The following ATF2 variants were observed in gnomAD, a reference collection of about 807,000 sequenced individuals.
ATF2 encodes the protein cyclic AMP-dependent transcription factor ATF-2.
ATF2 carries 24 observed loss-of-function variants against 60.6 expected under a neutral mutation model. That is an observed-to-expected ratio of 0.40 (90% CI 0.29 to 0.56). The LOEUF (loss-of-function observed/expected upper bound fraction) is 0.56, where lower values mean the gene tolerates loss of function less well. Ranked by LOEUF, ATF2 falls within the 20% of genes least tolerant of loss-of-function variation. The pLI, the probability that ATF2 is intolerant of heterozygous loss-of-function variation, is 0.54. For missense variants in ATF2, 433 were observed against 607.7 expected (o/e 0.71, Z 3.02); for synonymous variants, 206 against 215.4 (o/e 0.96, Z 0.38).
intron 11 of ATF2, among the ~76,000 whole-genome samples, chr2:175,096,965 A>G (rs1400591160): frequency 1.3e-5 from 2 of 152,208 alleles, no homozygotes; most frequent in Non-Finnish European, 2.9e-5. Context: ...ATCTAGTGTT[A>G]ATAGTTACAG....
intron 12 of ATF2, among the ~76,000 whole-genome samples, chr2:175,085,553 T>TACACACACACACAC (rs56804408): frequency 1.8e-4 from 26 of 141,420 alleles, no homozygotes; most frequent in African/African-American, 6.5e-4. Flanking sequence ...ATACATAACA[T>TACACACACACACAC]ACACACACAC....
intron 1 of ATF2, among the ~76,000 whole-genome samples, chr2:175,157,401 T>G (rs1359860491): frequency 6.6e-6 from 1 of 152,154 alleles, no homozygotes; most frequent in African/African-American, 2.4e-5. Flanking sequence ...TCAGGAGTCT[T>G]GAGATCCCCT....
intron 1 of ATF2, among the ~76,000 whole-genome samples, chr2:175,163,121 G>A (rs996150811): frequency 1.7e-4 from 26 of 151,278 alleles, no homozygotes; most frequent in South Asian, 4.2e-4. Context: ...GCAACAGAGC[G>A]AGACTCTGTC....
At chr2:175,141,604 T>A (rs1442725264) in intron 2 of ATF2, among the ~76,000 whole-genome samples, 1 of 152,076 alleles carries the variant, frequency 6.6e-6, no homozygotes, top group East Asian at 1.9e-4. Context: ...GCCATTCTCC[T>A]GCCTCAGCCT....
chr2:175,114,676 C>T lies in ATF2; in HGVS notation c.626+14G>A. 6.2e-7 allele frequency: 1 copy of T among 1,607,482 alleles called. No homozygotes were observed. Among genetic ancestry groups the T allele is most frequent in the Non-Finnish European group, 8.5e-7 (1 of 1,175,448 alleles). ...ATTCATGTATATGTTCAATGATTGG[C>T]CTGAATCACTTACACAATTGGCCTG... On this transcript the variant is annotated intron_variant, in intron 8 of 13. Transcript: ENST00000264110.
intron 12 of ATF2, among the ~76,000 whole-genome samples, chr2:175,083,764 C>T (rs529702147): frequency 4.9e-4 from 74 of 152,172 alleles, no homozygotes; most frequent in African/African-American, 1.7e-3. Context: ...GGGCTAATAT[C>T]GAGAATCTAC....
chr2:175,163,008 C>A (rs1700115612), intron 1 of ATF2, among the ~76,000 whole-genome samples: 1 of 152,028 alleles, frequency 6.6e-6, no homozygotes, highest in Non-Finnish European at 1.5e-5. Context: ...GTGGTGGGTG[C>A]CTGTAGTCCC....
chr2:175,094,879 G>A (rs1325855320), intron 11 of ATF2, among the ~76,000 whole-genome samples: 2 of 152,098 alleles, frequency 1.3e-5, no homozygotes, highest in Non-Finnish European at 2.9e-5. Context: ...GGAAGTCGAG[G>A]CTGCAGTGAG....
At chr2:175,156,031 T>C (rs1010570940) in intron 1 of ATF2, among the ~76,000 whole-genome samples, 2 of 152,222 alleles carry the variant, frequency 1.3e-5, no homozygotes, top group Admixed American at 1.3e-4. Context: ...AACCTGTTAA[T>C]AGGTTACCTT....
chr2:175,135,097 T>A (rs1178314774), intron 3 of ATF2, among the ~76,000 whole-genome samples: 1 of 145,842 alleles, frequency 6.9e-6, no homozygotes, highest in Non-Finnish European at 1.5e-5. Context: ...TAACCAGGCA[T>A]GGAGAAGGGG....
At position 175,118,476 on chromosome 2, in the gene ATF2, TTC is replaced by T. The variant is rs956014599; in HGVS notation, c.200-109_200-108del. On this transcript the variant is annotated intron_variant, in intron 5 of 13. Coordinates refer to ENST00000264110, the MANE Select transcript of ATF2 (RefSeq NM_001880.4). ...CAGGACTGGTTCAGTCAGTTGTTAA[TTC>T]TCTCTTTGGAAAGACCTCTTCCTTT... 1.2e-5 allele frequency: 11 copies of T among 943,518 alleles called. No homozygotes were observed. In the African/African-American group the frequency reaches 1.7e-4, roughly 15 times the overall value. 58.4% of individuals were successfully genotyped at this position (943,518 alleles called of 1,614,324 possible).
intron 1 of ATF2, among the ~76,000 whole-genome samples, chr2:175,151,914 G>A (rs1180437894): frequency 2.0e-5 from 3 of 152,102 alleles, no homozygotes; most frequent in Non-Finnish European, 2.9e-5. Flanking sequence ...AGCAAGATGA[G>A]AAAAAGGAGA....
intron 10 of ATF2, among the ~76,000 whole-genome samples, chr2:175,101,918 A>G (rs1695337779): frequency 2.6e-5 from 4 of 152,192 alleles, no homozygotes; most frequent in African/African-American, 9.7e-5. Flanking sequence ...TTCTAAAACT[A>G]CAACAAAAAT....
At chr2:175,116,756 C>T (rs915525059) in intron 7 of ATF2, among the ~76,000 whole-genome samples, 18 of 151,048 alleles carry the variant, frequency 1.2e-4, no homozygotes, top group African/African-American at 1.9e-4. Context: ...GAAGCAGCCA[C>T]GAACAATGAA....
intron 3 of ATF2, among the ~76,000 whole-genome samples, chr2:175,131,316 C>A (rs1053639090): frequency 6.6e-6 from 1 of 152,174 alleles, no homozygotes; most frequent in African/African-American, 2.4e-5. Flanking sequence ...TTCCTGTCCT[C>A]ATAAAGAGAA....
At chr2:175,109,478 T>C (rs1217166840) in intron 10 of ATF2, among the ~76,000 whole-genome samples, 1 of 152,226 alleles carries the variant, frequency 6.6e-6, no homozygotes, top group Non-Finnish European at 1.5e-5. Context: ...GAGAAACTTT[T>C]ATTCTTTTTA....
intron 1 of ATF2, among the ~76,000 whole-genome samples, chr2:175,160,346 C>T (rs1699941749): frequency 6.6e-6 from 1 of 152,142 alleles, no homozygotes; most frequent in African/African-American, 2.4e-5. Flanking sequence ...GACTGCACCA[C>T]CACACTCCAG....
rs1009806941 is a variant in ATF2 at position 175,072,866 on chromosome 2, G to C, written c.*1743C>G. The C allele has an allele frequency of 3.3e-5, 5 of 152,060 alleles. No individual in the cohort carries two copies. Among genetic ancestry groups the C allele is most frequent in the African/African-American group, 1.2e-4 (5 of 41,422 alleles). The allele number at this position is 152,060 out of a possible 1,614,324, so 9.4% of individuals were successfully genotyped here. A position where few individuals can be genotyped will look rare whatever the true frequency, so the allele number is the denominator to read the frequency against. ...AATTCCCATTATCTTCATACTTAAA[G>C]TCCTGAAATGTCATTTATATAATTT... On this transcript the variant is annotated 3_prime_UTR_variant, in exon 14 of 14. Coordinates refer to ENST00000264110, the MANE Select transcript of ATF2 (RefSeq NM_001880.4).
At chr2:175,097,726 T>C in intron 10 of ATF2, 133 bp from the exon 11 acceptor site, 1 of 919,082 alleles carries the variant, frequency 1.1e-6, no homozygotes. Flanking sequence ...GATTCTGTAT[T>C]TTGCTGTTCC....
Sources: gnomAD v4.1 joint callset for allele counts (sites outside exome capture counted in the v4.1 genomes callset) on GRCh38, gnomAD v4.1.1 for gene constraint, MANE v1.5 for transcripts, NCBI Gene and HGNC (gene_info 2026-07-23, HGNC 2026-07-21) for gene names.